ST8SIA5: variants seen among roughly 807,000 people sequenced by gnomAD.
ST8SIA5 encodes the protein ST8 alpha-N-acetyl-neuraminide alpha-2,8-sialyltransferase 5, also known as alpha-2,8-sialyltransferase 8E.
A neutral mutation model predicts 40.2 loss-of-function variants in ST8SIA5; 24 were observed. The observed-to-expected ratio is 0.60, with a 90% CI of 0.43 to 0.84. ST8SIA5 has a LOEUF of 0.84. Ranked by LOEUF, ST8SIA5 falls within the 40% of genes least tolerant of loss-of-function variation. The probability of loss-of-function intolerance (pLI) is 0.00; values close to 1 mark genes in which losing one functional copy is unlikely to be tolerated. For synonymous variants in ST8SIA5, 198 were observed against 201.8 expected (o/e 0.98, Z 0.16); for missense variants, 465 against 498.5 (o/e 0.93, Z 0.64).
At chr18:46,721,316 C>T (rs973642001) in intron 1 of ST8SIA5, 14 of 1,517,076 alleles carry the variant, frequency 9.2e-6, no homozygotes, top group South Asian at 8.4e-5. Flanking sequence ...AGGGCCACCC[C>T]GGGTTGAGCT....
In ST8SIA5 at chr18:46,756,686, G is replaced by A. The variant is rs527689087; in HGVS notation, c.-178C>T. 8 of 696,922 alleles carry A rather than the reference G, an allele frequency of 1.1e-5. No individual in the cohort carries two copies. Among genetic ancestry groups the A allele is most frequent in the African/African-American group, 1.9e-5 (1 of 52,040 alleles). 43.2% of individuals were successfully genotyped at this position (696,922 alleles called of 1,614,324 possible). ...CGGCCGGAGCTGGGGGCATCCAAGC[G>A]TCGCAGGCGCTGGGGCGGCAAGCAG... On this transcript the variant is annotated 5_prime_UTR_variant, in exon 1 of 7. It adds an upstream start codon to the 5' untranslated region. Coordinates refer to ENST00000315087, the MANE Select transcript of ST8SIA5 (RefSeq NM_013305.6).
chr18:46,683,988 A>G (rs1272455931), intron 5 of ST8SIA5, among the ~76,000 whole-genome samples: 3 of 151,964 alleles, frequency 2.0e-5, no homozygotes, highest in African/African-American at 7.3e-5. Context: ...GTGCAATAGC[A>G]TCTAGGACAT....
At chr18:46,738,595 C>T (rs547530755) in intron 1 of ST8SIA5, among the ~76,000 whole-genome samples, 2 of 152,278 alleles carry the variant, frequency 1.3e-5, no homozygotes, top group South Asian at 2.1e-4. Flanking sequence ...CTCTGACCAG[C>T]GAAACTGTAA....
intron 1 of ST8SIA5, among the ~76,000 whole-genome samples, chr18:46,737,686 T>A (rs1270588737): frequency 2.0e-5 from 3 of 152,210 alleles, no homozygotes; most frequent in Non-Finnish European, 4.4e-5. Flanking sequence ...AATAGGACTA[T>A]GGAGAGGATT....
intron 1 of ST8SIA5, among the ~76,000 whole-genome samples, chr18:46,734,539 G>C (rs895466134): frequency 5.9e-5 from 9 of 152,136 alleles, no homozygotes; most frequent in African/African-American, 1.7e-4. Context: ...TGACTCCGTG[G>C]AACACTGGGT....
At chr18:46,691,162 TGA>T (rs1009262744) in intron 3 of ST8SIA5, among the ~76,000 whole-genome samples, 17 of 152,234 alleles carry the variant, frequency 1.1e-4, no homozygotes, top group African/African-American at 4.1e-4. Context: ...TTATGATAGG[TGA>T]GTCTCTGCAA....
At chr18:46,731,269 G>C (rs2039982477) in intron 1 of ST8SIA5, among the ~76,000 whole-genome samples, 1 of 152,204 alleles carries the variant, frequency 6.6e-6, no homozygotes, top group Non-Finnish European at 1.5e-5. Flanking sequence ...AAAGAAAAAG[G>C]CCTTTTGGTA....
At chr18:46,693,312 G>T (rs2039526099) in intron 2 of ST8SIA5, among the ~76,000 whole-genome samples, 1 of 152,088 alleles carries the variant, frequency 6.6e-6, no homozygotes, top group Admixed American at 6.5e-5. Flanking sequence ...ACACAGTTCA[G>T]CACACAGTAG....
At chr18:46,694,833 A>AT (rs1030071472) in intron 2 of ST8SIA5, among the ~76,000 whole-genome samples, 6 of 134,212 alleles carry the variant, frequency 4.5e-5, no homozygotes, top group Admixed American at 1.5e-4. Context: ...GGGGTCCATT[A>AT]TTTAAAAAAA....
intron 1 of ST8SIA5, among the ~76,000 whole-genome samples, chr18:46,756,100 G>A (rs2144581486): frequency 6.6e-6 from 1 of 152,358 alleles, no homozygotes; most frequent in South Asian, 2.1e-4. Context: ...GTATTAAATG[G>A]ATTTATCGTC....
chr18:46,723,680 C>G (rs1158889870), intron 1 of ST8SIA5, among the ~76,000 whole-genome samples: 1 of 152,174 alleles, frequency 6.6e-6, no homozygotes, highest in African/African-American at 2.4e-5. Context: ...AATCCCAGCA[C>G]TTTGGAAGGC....
Position 46,680,529 on chromosome 18 carries a change from A to T in ST8SIA5, c.663-19T>A. 6.5e-7 allele frequency: 1 copy of T among 1,547,456 alleles called. No homozygotes were observed. The highest frequency in any genetic ancestry group is 8.8e-7 in the Non-Finnish European group (1 of 1,142,118). ...GTGGAACCTACACAGGGCGCGAGTG[A>T]GAGGTGAGCACCCACTCCTCCGTGC... On this transcript the variant is annotated intron_variant, in intron 6 of 6. Coordinates refer to ENST00000315087, the MANE Select transcript of ST8SIA5 (RefSeq NM_013305.6).
At chr18:46,755,965 T>TAAAC (rs532726055) in intron 1 of ST8SIA5, among the ~76,000 whole-genome samples, 105 of 152,156 alleles carry the variant, frequency 6.9e-4, no homozygotes, top group African/African-American at 9.4e-4. Context: ...CGCGAGGTTA[T>TAAAC]AAACAAACAA....
rs779359715 is a variant in ST8SIA5, at chr18:46,677,593, T to G, written c.*2449A>C. 5 of 152,306 alleles carry G rather than the reference T, an allele frequency of 3.3e-5. No homozygotes were observed. Among genetic ancestry groups the G allele is most frequent in the Middle Eastern group, 3.4e-3 (1 of 294 alleles). 9.4% of individuals were successfully genotyped at this position (152,306 alleles called of 1,614,324 possible). ...TTTACAAAGCTTCTAGTTGTAGAGA[T>G]GAGGAAACTGAGACATTGAGGGAGA... On this transcript the variant is annotated 3_prime_UTR_variant, in exon 7 of 7. Transcript: ENST00000315087.
intron 6 of ST8SIA5, among the ~76,000 whole-genome samples, chr18:46,681,615 C>T (rs2039397130): frequency 6.6e-6 from 1 of 152,200 alleles, no homozygotes; most frequent in Admixed American, 6.5e-5. Context: ...AAAGCTGACC[C>T]ACCCATCTCT....
At chr18:46,749,592 T>G (rs2040176172) in intron 1 of ST8SIA5, among the ~76,000 whole-genome samples, 1 of 152,196 alleles carries the variant, frequency 6.6e-6, no homozygotes, top group South Asian at 2.1e-4. Flanking sequence ...TAATCAAGGT[T>G]GCTGATTATA....
At position 46,756,577 on chromosome 18, in the gene ST8SIA5, C is replaced by T; in HGVS notation, c.-69G>A. 6.5e-7 allele frequency: 1 copy of T among 1,527,994 alleles called. No individual in the cohort carries two copies. 94.7% of individuals were successfully genotyped at this position (1,527,994 alleles called of 1,614,324 possible). On this transcript the variant is annotated 5_prime_UTR_variant, in exon 1 of 7. Coordinates refer to ENST00000315087, the MANE Select transcript of ST8SIA5 (RefSeq NM_013305.6). ...GCAATGACTCGCGGGGTTCCGGGGC[C>T]CCGGGGGGCGCGCGGCCGACTTGGC...
chr18:46,756,648 T>G lies in ST8SIA5; in HGVS notation c.-140A>C. On this transcript the variant is annotated 5_prime_UTR_variant, in exon 1 of 7. Coordinates refer to ENST00000315087, the MANE Select transcript of ST8SIA5 (RefSeq NM_013305.6). Reference sequence around the variant, plus strand: ...AGGCGGGGGACTTCGAGGGGCAAAGTTTCTGGTTGGCGCGGCCGGAGCTGG... The same window carrying G: ...AGGCGGGGGACTTCGAGGGGCAAAGGTTCTGGTTGGCGCGGCCGGAGCTGG... 9.4e-7 allele frequency: 1 copy of G among 1,059,842 alleles called. No homozygotes were observed. The highest frequency in any genetic ancestry group is 1.7e-5 in the South Asian group (1 of 57,532). The allele number at this position is 1,059,842 out of a possible 1,614,324, so 65.7% of individuals were successfully genotyped here.
intron 4 of ST8SIA5, among the ~76,000 whole-genome samples, chr18:46,686,547 G>A (rs1243350704): frequency 2.6e-5 from 4 of 152,150 alleles, no homozygotes; most frequent in Non-Finnish European, 5.9e-5. Flanking sequence ...GGCACACAGC[G>A]GCTGGCAGAC....
Sources: gnomAD v4.1 joint callset for allele counts (sites outside exome capture counted in the v4.1 genomes callset) on GRCh38, gnomAD v4.1.1 for gene constraint, MANE v1.5 for transcripts, NCBI Gene and HGNC (gene_info 2026-07-23, HGNC 2026-07-21) for gene names.